SV2B: variants seen among roughly 807,000 people sequenced by gnomAD.
SV2B encodes synaptic vesicle glycoprotein 2B, also known as solute carrier family 22 member B2.
Under a neutral mutation model 73.9 loss-of-function variants are expected in SV2B, and 41 were observed. The observed-to-expected ratio is 0.56, with a 90% confidence interval of 0.43 to 0.72. The LOEUF (loss-of-function observed/expected upper bound fraction) is 0.72. Among genes scored for constraint, SV2B ranks in the 30% least tolerant of loss-of-function variants. SV2B has a pLI of 0.00. For synonymous variants in SV2B, 314 were observed against 314.2 expected (o/e 1.00, Z 0.01); for missense variants, 764 against 857.8 (o/e 0.89, Z 1.37).
intron 1 of SV2B, among the ~76,000 whole-genome samples, chr15:91,104,425 C>G (rs1259176834): frequency 6.6e-6 from 1 of 152,202 alleles, no homozygotes; most frequent in South Asian, 2.1e-4. Flanking sequence ...GAGGCCTAAG[C>G]TGATAACTGG....
At chr15:91,126,299 A>G (rs2042480429) in intron 1 of SV2B, among the ~76,000 whole-genome samples, 1 of 152,216 alleles carries the variant, frequency 6.6e-6, no homozygotes, top group African/African-American at 2.4e-5. Flanking sequence ...CTGAGCCTCC[A>G]TCCAAATATG....
intron 9 of SV2B, among the ~76,000 whole-genome samples, chr15:91,275,122 A>G (rs998819849): frequency 6.6e-6 from 1 of 152,120 alleles, no homozygotes; most frequent in Admixed American, 6.5e-5. Flanking sequence ...GAACATTTAT[A>G]CTTATTGTAA....
chr15:91,189,754 C>T (rs895043450), intron 1 of SV2B, among the ~76,000 whole-genome samples: 5 of 152,120 alleles, frequency 3.3e-5, no homozygotes, highest in Non-Finnish European at 7.4e-5. Flanking sequence ...TTTGGGAGGC[C>T]GAGGCGGATG....
At chr15:91,165,608 A>G (rs1300027444) in intron 1 of SV2B, among the ~76,000 whole-genome samples, 1 of 152,298 alleles carries the variant, frequency 6.6e-6, no homozygotes, top group South Asian at 2.1e-4. Flanking sequence ...ATGAATTCTG[A>G]GGAATGACTA....
chr15:91,183,263 C>T (rs1294542515), intron 1 of SV2B, among the ~76,000 whole-genome samples: 1 of 152,218 alleles, frequency 6.6e-6, no homozygotes, highest in Non-Finnish European at 1.5e-5. Context: ...AAATTATCCA[C>T]ATAAATGTGG....
chr15:91,281,682 C>CT lies in SV2B; in HGVS notation c.1374-39dup. On this transcript the variant is annotated intron_variant, in intron 9 of 12. Transcript: ENST00000394232. The surrounding 1 kb of genome is among the most constrained non-coding windows in gnomAD (Gnocchi z 4.7). ...TGTTTTCCATTTTGGTCTTAAGTCT[C>CT]TTTTTTTCTCAGATGAATCACTCAA... The CT allele has an allele frequency of 1.3e-6, 2 of 1,517,532 alleles. No individual in the cohort carries two copies. Among genetic ancestry groups the CT allele is most frequent in the African/African-American group, 1.4e-5 (1 of 70,748 alleles). The allele number at this position is 1,517,532 out of a possible 1,614,324, so 94.0% of individuals were successfully genotyped here.
chr15:91,297,776 A>AC lies in SV2B; in HGVS notation c.*5227dup, dbSNP rs2049303144. ...GACAACTAGTGGTAGTGCAACAGTA[A>AC]CCCAAAAATGTCAATGAAAATATTT... On this transcript the variant is annotated 3_prime_UTR_variant, in exon 13 of 13. Transcript: ENST00000394232. The surrounding 1 kb of genome is among the most constrained non-coding windows in gnomAD (Gnocchi z 5.1). 1 of 152,168 alleles carries AC rather than the reference A, an allele frequency of 6.6e-6. No individual in the cohort carries two copies. The highest frequency in any genetic ancestry group is 2.4e-5 in the African/African-American group (1 of 41,444). 9.4% of individuals were successfully genotyped at this position (152,168 alleles called of 1,614,324 possible).
intron 1 of SV2B, among the ~76,000 whole-genome samples, chr15:91,211,862 A>C (rs2045881876): frequency 7.5e-6 from 1 of 134,120 alleles, no homozygotes; most frequent in Admixed American, 8.5e-5. Context: ...GCTGGTCTCG[A>C]ACTCCTGGCC....
chr15:91,203,858 C>T (rs942215947), intron 1 of SV2B, among the ~76,000 whole-genome samples: 5 of 152,166 alleles, frequency 3.3e-5, no homozygotes, highest in Admixed American at 6.5e-5. Flanking sequence ...CCCCCTCTCT[C>T]CCTCTCTCTC....
At position 91,231,913 on chromosome 15, in the gene SV2B, T is replaced by C. The variant is rs531746746; in HGVS notation, c.451+5199T>C. Reference sequence around the variant, plus strand: ...CAGCCATACGGAGGACACAGAGCAATGTCAGATGGGGCAGATTCATTAGAA... The same window carrying C: ...CAGCCATACGGAGGACACAGAGCAACGTCAGATGGGGCAGATTCATTAGAA... On this transcript the variant is annotated intron_variant, in intron 2 of 12. Transcript: ENST00000394232. This position sits in a 1 kb window ranked among gnomAD's most constrained non-coding sequence, Gnocchi z 4.5. Among the ~76,000 whole-genome samples the C allele has an allele frequency of 6.6e-6, 1 of 152,294 alleles. No individual in the cohort carries two copies. The highest frequency in any genetic ancestry group is 1.5e-5 in the Non-Finnish European group (1 of 68,028).
intron 12 of SV2B, 94 bp from the exon 13 acceptor site, chr15:91,292,275 C>T: frequency 7.8e-7 from 1 of 1,288,368 alleles, no homozygotes; most frequent in Non-Finnish European, 1.1e-6. Flanking sequence ...TCCCTTGCAC[C>T]CTCTTCCCCC....
At chr15:91,158,665 T>TCTTCTCTTCTCTTCTCTTCTCTTCC (rs2043580150) in intron 1 of SV2B, among the ~76,000 whole-genome samples, 1 of 58,434 alleles carries the variant, frequency 1.7e-5, no homozygotes, top group Non-Finnish European at 3.4e-5. Context: ...TCTTCTCTTC[T>TCTTCTCTTCTCTTCTCTTCTCTTCC]CTTCTCTTCT....
chr15:91,252,280 C>T lies in SV2B; in HGVS notation c.633-89C>T, dbSNP rs1218940892. ...TCACTGGGTCCTTTCACCACAGAGC[C>T]TAAGGTGGGGTATAGGCAACTTGGT... On this transcript the variant is annotated intron_variant, in intron 3 of 12. Transcript: ENST00000394232. The surrounding 1 kb of genome is among the most constrained non-coding windows in gnomAD (Gnocchi z 4.6). 2 of 1,509,556 alleles carry T rather than the reference C, an allele frequency of 1.3e-6. No homozygotes were observed. Among genetic ancestry groups the T allele is most frequent in the East Asian group, 2.3e-5 (1 of 43,898 alleles). 93.5% of individuals were successfully genotyped at this position (1,509,556 alleles called of 1,614,324 possible). A position where few individuals can be genotyped will look rare whatever the true frequency, so the allele number is the denominator to read the frequency against.
At position 91,288,026 on chromosome 15, in the gene SV2B, C is replaced by T. The variant is rs1425321764; in HGVS notation, c.1709-1495C>T. On this transcript the variant is annotated intron_variant, in intron 11 of 12. Coordinates refer to ENST00000394232, the MANE Select transcript of SV2B (RefSeq NM_001323032.3). This position sits in a 1 kb window ranked among gnomAD's most constrained non-coding sequence, Gnocchi z 5.8. ...GAGTTGGGGAGGGGTACTCCAGCCA[C>T]CTTCCCCTCCCAACTGATAAGAAAG... is the stretch of plus-strand genomic sequence containing the variant. 1.3e-5 allele frequency among the ~76,000 whole-genome samples: 2 copies of T among 152,096 alleles called. No homozygotes were observed. Among genetic ancestry groups the T allele is most frequent in the Non-Finnish European group, 2.9e-5 (2 of 68,026 alleles).
chr15:91,180,513 C>T (rs1394838046), intron 1 of SV2B, among the ~76,000 whole-genome samples: 21 of 152,122 alleles, frequency 1.4e-4, no homozygotes, highest in African/African-American at 4.3e-4. Flanking sequence ...CCATTCTCCC[C>T]GTCACTTTCA....
chr15:91,279,215 A>G (rs1261496403), intron 9 of SV2B, among the ~76,000 whole-genome samples: 1 of 152,172 alleles, frequency 6.6e-6, no homozygotes, highest in Non-Finnish European at 1.5e-5. Context: ...CTAAATTTTA[A>G]TGGCTGGTTT....
intron 1 of SV2B, among the ~76,000 whole-genome samples, chr15:91,167,975 T>G (rs1430511561): frequency 6.6e-6 from 1 of 152,006 alleles, no homozygotes; most frequent in East Asian, 1.9e-4. Flanking sequence ...GCCTTTGTGG[T>G]GCTGTTTGGT....
In SV2B at chr15:91,252,311, C is replaced by A; in HGVS notation, c.633-58C>A. On this transcript the variant is annotated intron_variant, in intron 3 of 12. Coordinates refer to ENST00000394232, the MANE Select transcript of SV2B (RefSeq NM_001323032.3). This position sits in a 1 kb window ranked among gnomAD's most constrained non-coding sequence, Gnocchi z 4.6. ...TGGGGTATAGGCAACTTGGTTTCTG[C>A]TGTGACCATTTTTAGTGTATGACTT... 6.4e-7 allele frequency: 1 copy of A among 1,554,566 alleles called. No individual in the cohort carries two copies. The highest frequency in any genetic ancestry group is 8.7e-7 in the Non-Finnish European group (1 of 1,148,004).
chr15:91,214,731 C>A lies in SV2B; in HGVS notation c.-391-11142C>A, dbSNP rs1043806739. ...TGCCCATAATTGGTCTTTGTTAGGG[C>A]TTCCTTCCCCATTCCACTGGCTCAC... On this transcript the variant is annotated intron_variant, in intron 1 of 12. Transcript: ENST00000394232. The surrounding 1 kb of genome is among the most constrained non-coding windows in gnomAD (Gnocchi z 4.7). 7.9e-5 allele frequency among the ~76,000 whole-genome samples: 12 copies of A among 152,234 alleles called. No individual in the cohort carries two copies. The highest frequency in any genetic ancestry group is 2.9e-4 in the African/African-American group (12 of 41,458).
Sources: allele counts gnomAD v4.1 joint callset (sites outside exome capture counted in the v4.1 genomes callset), GRCh38; gene constraint gnomAD v4.1.1; non-coding constraint Gnocchi (gnomAD v3.1); transcripts MANE v1.5; gene names NCBI Gene and HGNC (gene_info 2026-07-23, HGNC 2026-07-21).